The following DNAH9 variants were observed in gnomAD, a reference collection of about 807,000 sequenced individuals.
DNAH9 encodes dynein axonemal heavy chain 9, also known as DNAH9 variant protein.
Under a neutral mutation model 471.6 loss-of-function variants are expected in DNAH9, and 345 were observed. That is an observed-to-expected ratio of 0.73 (90% CI 0.67 to 0.80). The LOEUF (loss-of-function observed/expected upper bound fraction) is 0.80, where lower values mean the gene tolerates loss of function less well. DNAH9 is among the 30% of genes least tolerant of loss of function. The pLI is 0.00. For synonymous variants in DNAH9, 2,093 were observed against 2,123.6 expected, an observed-to-expected ratio of 0.99 and a Z score of 0.40; for missense variants, 5,407 against 5,609.2, an observed-to-expected ratio of 0.96 and a Z score of 1.15.
At chr17:11,734,889 A>C (rs1238896093) in intron 28 of DNAH9, among the ~76,000 whole-genome samples, 1 of 152,188 alleles carries the variant, frequency 6.6e-6, no homozygotes, top group Non-Finnish European at 1.5e-5. Flanking sequence ...GAATGGGGCC[A>C]TGTGGGCAGA....
At chr17:11,868,418 A>G (rs1294259562) in intron 50 of DNAH9, among the ~76,000 whole-genome samples, 1 of 152,090 alleles carries the variant, frequency 6.6e-6, no homozygotes, top group African/African-American at 2.4e-5. Flanking sequence ...AAAAATATGT[A>G]CTCAGAGGAC....
intron 48 of DNAH9, among the ~76,000 whole-genome samples, chr17:11,834,328 C>A (rs1347398373): frequency 3.6e-3 from 277 of 77,806 alleles, no homozygotes; most frequent in Middle Eastern, 0.012. Flanking sequence ...GACTCCGTCT[C>A]AAAAAAAAAA....
intron 50 of DNAH9, 87 bp downstream of exon 50, chr17:11,854,515 G>C: frequency 7.0e-7 from 1 of 1,421,518 alleles, no homozygotes; most frequent in Non-Finnish European, 9.4e-7. Context: ...CTAACGTTAC[G>C]GTTTTTAAAG....
intron 61 of DNAH9, among the ~76,000 whole-genome samples, chr17:11,915,330 C>CCTGT (rs1422185941): frequency 6.6e-6 from 1 of 152,134 alleles, no homozygotes; most frequent in African/African-American, 2.4e-5. Flanking sequence ...TCGATACCAA[C>CCTGT]CTGTCCAACA....
intron 62 of DNAH9, among the ~76,000 whole-genome samples, chr17:11,927,286 C>A (rs1048384746): frequency 2.0e-5 from 3 of 152,072 alleles, no homozygotes; most frequent in African/African-American, 7.2e-5. Flanking sequence ...TTAATTTTTG[C>A]TTTTGTTGCA....
chr17:11,718,723 A>G (rs1241618307), intron 26 of DNAH9, among the ~76,000 whole-genome samples: 1 of 152,196 alleles, frequency 6.6e-6, no homozygotes, highest in Non-Finnish European at 1.5e-5. Flanking sequence ...AATGAATAAG[A>G]TATAGCCCTA....
At position 11,626,623 on chromosome 17, in the gene DNAH9, A is replaced by T. The variant is rs1355099783; in HGVS notation, c.1351-2794A>T. ...CCGTATCAGCAATGTAATAAGTTCA[A>T]CCTGTATGGTGAGGTCACATCTACT... On this transcript the variant is annotated intron_variant, in intron 6 of 68. Coordinates refer to ENST00000262442, the MANE Select transcript of DNAH9 (RefSeq NM_001372.4). This position sits in a 1 kb window ranked among gnomAD's most constrained non-coding sequence, Gnocchi z 4.3. 6.6e-6 allele frequency among the ~76,000 whole-genome samples: 1 copy of T among 152,082 alleles called. No homozygotes were observed. Among genetic ancestry groups the T allele is most frequent in the Non-Finnish European group, 1.5e-5 (1 of 68,012 alleles).
Position 11,669,700 on chromosome 17 carries a change from A to G in DNAH9, c.3259A>G (p.Ile1087Val). 2 of 1,614,152 alleles carry G rather than the reference A, an allele frequency of 1.2e-6. No homozygotes were observed. The highest frequency in any genetic ancestry group is 1.7e-6 in the Non-Finnish European group (2 of 1,180,016). ...PIKVFDGWMK[I>V]DIRPFKASLL... is the part of the protein sequence containing the mutation. ...CAAGGTGTTTGACGGCTGGATGAAA[A>G]TTGATATTCGACCCTTTAAGGCATC... The change falls in exon 17 of 69, where the codon ATT becomes GTT. Residue 1087 changes from isoleucine (I) to valine (V), a missense_variant. Ile to Val is a conservative substitution (Grantham distance 29). Coordinates refer to ENST00000262442, the MANE Select transcript of DNAH9 (RefSeq NM_001372.4).
intron 44 of DNAH9, among the ~76,000 whole-genome samples, chr17:11,808,374 A>G (rs905262893): frequency 3.9e-5 from 6 of 152,196 alleles, no homozygotes; most frequent in Non-Finnish European, 8.8e-5. Context: ...AAGACACTAT[A>G]TACAACCTTC....
chr17:11,769,180 T>C lies in DNAH9; in HGVS notation c.7403T>C (p.Met2468Thr), dbSNP rs1390670024. 1.9e-6 allele frequency: 3 copies of C among 1,614,154 alleles called. No homozygotes were observed. The highest frequency in any genetic ancestry group is 4.5e-5 in the East Asian group (2 of 44,870). Residue 2468 changes from methionine (M) to threonine (T), a missense_variant, in exon 38 of 69, where the codon ATG becomes ACG. Physicochemically the swap from Met to Thr is moderately conservative, Grantham distance 81. Coordinates refer to ENST00000262442, the MANE Select transcript of DNAH9 (RefSeq NM_001372.4). Reference protein sequence around the residue: ...IRVCYFMERLMARQRPVMLVG... With the variant: ...IRVCYFMERLTARQRPVMLVG... ...GTGTGCTACTTCATGGAGCGGTTGA[T>C]GGCGCGGCAGCGGCCTGTCATGCTG...
chr17:11,608,007 C>A, intron 1 of DNAH9, 122 bp from the exon 2 acceptor site: 1 of 667,588 alleles, frequency 1.5e-6, no homozygotes, highest in Non-Finnish European at 2.5e-6. Flanking sequence ...ATTATTAGGC[C>A]TTCCAGCACA....
At chr17:11,648,453 CA>C (rs1481878870) in intron 12 of DNAH9, among the ~76,000 whole-genome samples, 52 of 152,224 alleles carry the variant, frequency 3.4e-4, no homozygotes, top group Non-Finnish European at 6.6e-4. Flanking sequence ...CCAAGTAGGC[CA>C]CAGTTTCCAT....
chr17:11,658,597 C>G (rs571974057), intron 14 of DNAH9, among the ~76,000 whole-genome samples: 1 of 152,022 alleles, frequency 6.6e-6, no homozygotes, highest in East Asian at 1.9e-4. Context: ...TATGGAGACA[C>G]ATTTGGTAAT....
rs1325948135 is a variant in DNAH9, at chr17:11,669,208, T to A, written c.2876T>A (p.Ile959Lys). The A allele has an allele frequency of 6.2e-7, 1 of 1,614,086 alleles. No homozygotes were observed. The highest frequency in any genetic ancestry group is 1.7e-5 in the Admixed American group (1 of 60,018). Reference protein sequence around the residue: ...VEGLITSIFRIPSLVPRLSPQ... With the variant: ...VEGLITSIFRKPSLVPRLSPQ... ...GGTCTCATCACCAGCATTTTTAGGA[T>A]ACCATCTCTGGTGCCACGGCTTTCC... Residue 959 changes from isoleucine to lysine, a missense_variant, in exon 16 of 69, where the codon ATA becomes AAA. Transcript: ENST00000262442.
chr17:11,733,811 A>T, intron 28 of DNAH9, among the ~76,000 whole-genome samples: 1 of 147,072 alleles, frequency 6.8e-6, no homozygotes. Flanking sequence ...CAGTGAGCCG[A>T]GATCGTGCCA....
At chr17:11,948,996 G>GC (rs1223587859) in intron 67 of DNAH9, among the ~76,000 whole-genome samples, 1 of 152,074 alleles carries the variant, frequency 6.6e-6, no homozygotes, top group Non-Finnish European at 1.5e-5. Context: ...GATCAGAGGC[G>GC]CCCTTTTCAA....
At chr17:11,729,446 C>T (rs1341840249) in intron 28 of DNAH9, among the ~76,000 whole-genome samples, 1 of 152,160 alleles carries the variant, frequency 6.6e-6, no homozygotes, top group Non-Finnish European at 1.5e-5. Flanking sequence ...GTGTGCCGCA[C>T]ACCATATAAT....
At chr17:11,762,796 T>TTC (rs1555584732) in intron 35 of DNAH9, among the ~76,000 whole-genome samples, 3 of 144,692 alleles carry the variant, frequency 2.1e-5, no homozygotes, top group Non-Finnish European at 3.0e-5. Flanking sequence ...TTTTTTTTTT[T>TTC]TGAGATGGAG....
chr17:11,711,824 CT>C (rs1666945126), intron 26 of DNAH9, among the ~76,000 whole-genome samples: 1 of 136,524 alleles, frequency 7.3e-6, no homozygotes, highest in African/African-American at 2.7e-5. Flanking sequence ...ATCTCTGGGT[CT>C]TTTTAAAGTT....
Sources: allele counts gnomAD v4.1 joint callset (sites outside exome capture counted in the v4.1 genomes callset), GRCh38; gene constraint gnomAD v4.1.1; non-coding constraint Gnocchi (gnomAD v3.1); transcripts MANE v1.5; gene names NCBI Gene and HGNC (gene_info 2026-07-23, HGNC 2026-07-21).